Variants in CPNE4 observed in about 807,000 individuals in gnomAD.
CPNE4 encodes copine-4.
A neutral mutation model predicts 67.9 loss-of-function variants in CPNE4; 25 were observed. The observed-to-expected ratio is 0.37, with a 90% CI of 0.27 to 0.51. The LOEUF is 0.51. CPNE4 is among the 20% of genes least tolerant of loss of function. The pLI is 0.93. For missense variants in CPNE4, 464 were observed against 690.8 expected (o/e 0.67, Z 3.68); for synonymous variants, 242 against 244.9 (o/e 0.99, Z 0.11).
intron 14 of CPNE4, among the ~76,000 whole-genome samples, chr3:131,547,219 C>G (rs1935901834): frequency 6.6e-6 from 1 of 151,844 alleles, no homozygotes; most frequent in Non-Finnish European, 1.5e-5. Context: ...CGTTGGGAGG[C>G]TAAAGAAGGA....
intron 2 of CPNE4, among the ~76,000 whole-genome samples, chr3:131,795,222 C>T (rs902095011): frequency 2.0e-5 from 3 of 152,086 alleles, no homozygotes; most frequent in Non-Finnish European, 1.5e-5. Context: ...TTGTAGACAC[C>T]GCCTATAGGG....
At chr3:132,028,761 T>C (rs1385788079) in intron 1 of CPNE4, among the ~76,000 whole-genome samples, 4 of 152,116 alleles carry the variant, frequency 2.6e-5, no homozygotes, top group Non-Finnish European at 5.9e-5. Context: ...GCACTTAAAA[T>C]GTGGCAAATC....
chr3:131,744,902 C>T (rs529217025), intron 2 of CPNE4, among the ~76,000 whole-genome samples: 1 of 152,296 alleles, frequency 6.6e-6, no homozygotes, highest in South Asian at 2.1e-4. Flanking sequence ...CATTTGTCTA[C>T]AGATTTTCTT....
chr3:131,880,667 T>C (rs139782594), intron 2 of CPNE4, among the ~76,000 whole-genome samples: 4 of 152,166 alleles, frequency 2.6e-5, no homozygotes, highest in Non-Finnish European at 5.9e-5. Flanking sequence ...TTGAATGTAT[T>C]CAAAAGAGCT....
chr3:131,567,889 A>G (rs879760957), intron 10 of CPNE4, among the ~76,000 whole-genome samples: 1 of 151,992 alleles, frequency 6.6e-6, no homozygotes, highest in Non-Finnish European at 1.5e-5. Flanking sequence ...GCTACTATTT[A>G]AACATTCAAA....
At chr3:131,611,762 T>G (rs567363576) in intron 7 of CPNE4, among the ~76,000 whole-genome samples, 2 of 152,172 alleles carry the variant, frequency 1.3e-5, no homozygotes, top group African/African-American at 4.8e-5. Flanking sequence ...AACTAGCAAT[T>G]TGCACTCTCC....
intron 4 of CPNE4, among the ~76,000 whole-genome samples, chr3:131,698,864 C>T (rs1000010645): frequency 5.2e-5 from 7 of 135,324 alleles, no homozygotes; most frequent in Admixed American, 8.3e-5. Flanking sequence ...GTGCCGATAT[C>T]GTGCCATTGC....
chr3:131,734,855 C>T (rs2082201096), intron 2 of CPNE4, among the ~76,000 whole-genome samples: 1 of 152,140 alleles, frequency 6.6e-6, no homozygotes, highest in Non-Finnish European at 1.5e-5. Flanking sequence ...CGCACTGAGG[C>T]ACTCCAGCCT....
chr3:131,908,031 G>A (rs1408941500), intron 1 of CPNE4, among the ~76,000 whole-genome samples: 1 of 152,158 alleles, frequency 6.6e-6, no homozygotes, highest in Non-Finnish European at 1.5e-5. Flanking sequence ...TCTAATGGCA[G>A]AGCTGGGGCT....
intron 6 of CPNE4, among the ~76,000 whole-genome samples, chr3:131,678,890 CT>C (rs1273877797): frequency 2.0e-5 from 3 of 152,044 alleles, no homozygotes; most frequent in South Asian, 4.2e-4. Flanking sequence ...CTGAAGTTTT[CT>C]TTTTTTGTTG....
intron 1 of CPNE4, among the ~76,000 whole-genome samples, chr3:132,032,113 C>G (rs986295187): frequency 6.6e-6 from 1 of 152,188 alleles, no homozygotes; most frequent in Non-Finnish European, 1.5e-5. Flanking sequence ...CATGTTGCTA[C>G]TGGAGACTTG....
At chr3:131,868,549 A>G (rs1399664055) in intron 2 of CPNE4, among the ~76,000 whole-genome samples, 1 of 152,214 alleles carries the variant, frequency 6.6e-6, no homozygotes. Flanking sequence ...TTTGGTTTCA[A>G]TAACTAATGC....
chr3:131,889,551 A>G (rs1003892790), intron 2 of CPNE4, among the ~76,000 whole-genome samples: 4 of 152,238 alleles, frequency 2.6e-5, no homozygotes, highest in Non-Finnish European at 5.9e-5. Flanking sequence ...TTCTGAGATA[A>G]ACCAGCCAAG....
intron 2 of CPNE4, among the ~76,000 whole-genome samples, chr3:131,752,667 T>G (rs775367278): frequency 6.6e-6 from 1 of 152,190 alleles, no homozygotes; most frequent in African/African-American, 2.4e-5. Flanking sequence ...GTATTCCATA[T>G]TCTCAGAAAT....
intron 3 of CPNE4, among the ~76,000 whole-genome samples, chr3:131,704,494 A>G (rs1461456267): frequency 6.6e-6 from 1 of 152,132 alleles, no homozygotes. Flanking sequence ...GTGATTTGTT[A>G]ACTAATGCAC....
intron 8 of CPNE4, among the ~76,000 whole-genome samples, chr3:131,584,140 C>A (rs1437344233): frequency 6.6e-6 from 1 of 152,160 alleles, no homozygotes; most frequent in Non-Finnish European, 1.5e-5. Context: ...ATGTTCTCTC[C>A]TCTTTTTTTC....
At chr3:131,717,002 G>GA (rs1258508612) in intron 3 of CPNE4, among the ~76,000 whole-genome samples, 1 of 152,242 alleles carries the variant, frequency 6.6e-6, no homozygotes, top group Non-Finnish European at 1.5e-5. Flanking sequence ...AACACAGGAA[G>GA]AAGGACCTTC....
At chr3:131,694,011 G>A (rs766791961) in intron 5 of CPNE4, among the ~76,000 whole-genome samples, 2 of 152,088 alleles carry the variant, frequency 1.3e-5, no homozygotes, top group Non-Finnish European at 2.9e-5. Flanking sequence ...ATTAGACAGT[G>A]GCTTTCTACC....
intron 2 of CPNE4, among the ~76,000 whole-genome samples, chr3:131,872,060 G>A (rs562435372): frequency 6.6e-6 from 1 of 152,216 alleles, no homozygotes; most frequent in South Asian, 2.1e-4. Context: ...GACCTGGGTG[G>A]ACCTTTGTAA....
Sources: gnomAD v4.1 joint callset for allele counts (sites outside exome capture counted in the v4.1 genomes callset) on GRCh38, gnomAD v4.1.1 for gene constraint, MANE v1.5 for transcripts, NCBI Gene and HGNC (gene_info 2026-07-23, HGNC 2026-07-21) for gene names.